Variants in DCC observed in about 807,000 individuals in gnomAD.
The protein encoded by DCC is DCC netrin 1 receptor.
In DCC, 58 loss-of-function variants were observed where a neutral mutation model predicts 172.5. The ratio of observed to expected loss-of-function variants is 0.34; its 90% CI spans 0.27 to 0.42. The LOEUF (loss-of-function observed/expected upper bound fraction) is 0.42. Ranked by LOEUF, DCC falls within the 10% of genes least tolerant of loss-of-function variation. The probability of loss-of-function intolerance (pLI) is 1.00; values close to 1 mark genes in which losing one functional copy is unlikely to be tolerated. For synonymous variants in DCC, 709 were observed against 644.5 expected (o/e 1.10, Z -1.52); for missense variants, 1,740 against 1,791.0 (o/e 0.97, Z 0.51).
chr18:52,563,633 T>A (rs1271084094), intron 1 of DCC, among the ~76,000 whole-genome samples: 1 of 152,158 alleles, frequency 6.6e-6, no homozygotes, highest in Non-Finnish European at 1.5e-5. Context: ...TTTGCATTTG[T>A]ATACAATTAA....
At chr18:53,429,362 G>T (rs1911456606) in intron 21 of DCC, among the ~76,000 whole-genome samples, 1 of 101,262 alleles carries the variant, frequency 9.9e-6, no homozygotes, top group Admixed American at 9.6e-5. Flanking sequence ...AAATTAATTT[G>T]TTTAAATTTG....
At chr18:53,445,205 T>C (rs1912521650) in intron 22 of DCC, among the ~76,000 whole-genome samples, 1 of 152,200 alleles carries the variant, frequency 6.6e-6, no homozygotes, top group South Asian at 2.1e-4. Flanking sequence ...CAGGGGGAAA[T>C]ACTTTGAAAC....
At chr18:52,548,455 G>T (rs905637565) in intron 1 of DCC, among the ~76,000 whole-genome samples, 11 of 152,002 alleles carry the variant, frequency 7.2e-5, no homozygotes, top group African/African-American at 2.7e-4. Flanking sequence ...CAGTGTGCTT[G>T]GTCACCCTAA....
At chr18:52,935,049 A>T (rs1442236513) in intron 5 of DCC, among the ~76,000 whole-genome samples, 2 of 152,198 alleles carry the variant, frequency 1.3e-5, no homozygotes, top group African/African-American at 4.8e-5. Context: ...AATCACTAAA[A>T]ATAGAACAAC....
intron 1 of DCC, among the ~76,000 whole-genome samples, chr18:52,449,640 T>C (rs1192964825): frequency 1.3e-5 from 2 of 152,200 alleles, no homozygotes; most frequent in Non-Finnish European, 2.9e-5. Context: ...TAGTGCCTTA[T>C]TTGTCACTCA....
chr18:53,064,473 G>C (rs1208580954), intron 6 of DCC, among the ~76,000 whole-genome samples: 2 of 152,124 alleles, frequency 1.3e-5, no homozygotes, highest in Non-Finnish European at 2.9e-5. Context: ...GGCAGAATGA[G>C]ACTAGAGCAT....
intron 1 of DCC, among the ~76,000 whole-genome samples, chr18:52,355,746 G>T (rs189239634): frequency 6.6e-6 from 1 of 152,016 alleles, no homozygotes; most frequent in East Asian, 1.9e-4. Flanking sequence ...GAAAAAAAAA[G>T]GTGACCAGAG....
chr18:53,052,880 C>T (rs2042352321), intron 5 of DCC, among the ~76,000 whole-genome samples: 1 of 152,082 alleles, frequency 6.6e-6, no homozygotes, highest in African/African-American at 2.4e-5. Context: ...CACGATGGCT[C>T]ATGCCTAATC....
At chr18:53,431,556 C>T (rs1282851743) in intron 21 of DCC, among the ~76,000 whole-genome samples, 1 of 151,748 alleles carries the variant, frequency 6.6e-6, no homozygotes, top group African/African-American at 2.4e-5. Context: ...GTCGCAGTCT[C>T]GGCTCACTGC....
rs1230228712 is a variant in DCC at position 52,923,802 on chromosome 18, G to A, written c.793G>A (p.Gly265Ser). 3 of 1,613,198 alleles carry A rather than the reference G, an allele frequency of 1.9e-6. No individual in the cohort carries two copies. The highest frequency in any genetic ancestry group is 1.7e-5 in the Admixed American group (1 of 59,894). ...KDAVLECCVS[G>S]YPPPSFTWLR... ...TGCTGTCCTGGAATGTTGTGTTTCTGGCTATCCTCCACCAAGTTTTACCTG... is the reference window on the plus strand; with the variant it reads ...TGCTGTCCTGGAATGTTGTGTTTCTAGCTATCCTCCACCAAGTTTTACCTG... Residue 265 changes from glycine (G) to serine (S), a missense_variant, in exon 4 of 29, where the codon GGC (glycine) becomes AGC (serine). Around this residue, in one of 2 missense-constraint regions of DCC, gnomAD observed 1,732 missense variants for 1,767.4 expected, o/e 0.98. Transcript: ENST00000442544.
intron 12 of DCC, 60 bp downstream of exon 12, chr18:53,215,657 C>G: frequency 7.4e-7 from 1 of 1,343,538 alleles, no homozygotes; most frequent in African/African-American, 1.4e-5. Context: ...CATGTATAAC[C>G]TTCACTCACC....
chr18:53,455,042 G>T (rs915813519), intron 23 of DCC, among the ~76,000 whole-genome samples: 6 of 152,184 alleles, frequency 3.9e-5, no homozygotes, highest in Non-Finnish European at 5.9e-5. Context: ...CTTTGGAAAA[G>T]ATTTGGAAAG....
intron 25 of DCC, among the ~76,000 whole-genome samples, chr18:53,476,143 C>T (rs1317983221): frequency 6.6e-6 from 1 of 152,186 alleles, no homozygotes; most frequent in Non-Finnish European, 1.5e-5. Context: ...TAGGAAGTAA[C>T]TAACTTGCTT....
intron 1 of DCC, among the ~76,000 whole-genome samples, chr18:52,726,597 T>C (rs1173443209): frequency 6.6e-6 from 1 of 152,234 alleles, no homozygotes; most frequent in Non-Finnish European, 1.5e-5. Flanking sequence ...AATGTTTTAA[T>C]TTTATATTAC....
chr18:52,829,622 G>T (rs1030524028), intron 2 of DCC, among the ~76,000 whole-genome samples: 1 of 151,712 alleles, frequency 6.6e-6, no homozygotes, highest in Admixed American at 6.6e-5. Context: ...CTCAAGAAGT[G>T]CTTTGTAGCA....
intron 12 of DCC, among the ~76,000 whole-genome samples, chr18:53,268,033 T>G (rs1481652131): frequency 2.0e-5 from 3 of 152,200 alleles, no homozygotes; most frequent in African/African-American, 7.2e-5. Context: ...GCAAACTTAT[T>G]ACTTTGGGGG....
At chr18:53,109,586 C>CTCCT (rs1263571033) in intron 7 of DCC, among the ~76,000 whole-genome samples, 11 of 148,258 alleles carry the variant, frequency 7.4e-5, no homozygotes, top group South Asian at 2.2e-4. Flanking sequence ...CCCTCCCTCC[C>CTCCT]TCCTTCCTTC....
intron 2 of DCC, among the ~76,000 whole-genome samples, chr18:52,861,843 T>C (rs2145362753): frequency 6.6e-6 from 1 of 152,258 alleles, no homozygotes; most frequent in Admixed American, 6.5e-5. Flanking sequence ...CAAGAGTATT[T>C]CAGGGTACAT....
chr18:52,506,882 C>T (rs190936718), intron 1 of DCC, among the ~76,000 whole-genome samples: 6 of 152,032 alleles, frequency 3.9e-5, no homozygotes, highest in African/African-American at 7.2e-5. Context: ...ACAGTTGTTA[C>T]GGATATTGTG....
Sources: gnomAD v4.1 joint callset for allele counts (sites outside exome capture counted in the v4.1 genomes callset) on GRCh38, gnomAD v4.1.1 for gene constraint, gnomAD v4.1.1 regional missense constraint, MANE v1.5 for transcripts, NCBI Gene and HGNC (gene_info 2026-07-23, HGNC 2026-07-21) for gene names.